PHF8: variants seen among roughly 807,000 people sequenced by gnomAD.
PHF8 encodes histone lysine demethylase PHF8.
A neutral mutation model predicts 74.4 loss-of-function variants in PHF8; 9 were observed. The observed-to-expected ratio is 0.12, with a 90% CI of 0.07 to 0.21. The LOEUF (loss-of-function observed/expected upper bound fraction) is 0.21, where lower values mean the gene tolerates loss of function less well. Among genes scored for constraint, PHF8 ranks in the 10% least tolerant of loss-of-function variants. The pLI, the probability that PHF8 is intolerant of heterozygous loss-of-function variation, is 1.00. For synonymous variants in PHF8, 311 were observed against 316.6 expected (o/e 0.98, Z 0.19); for missense variants, 478 against 816.6 (o/e 0.59, Z 5.05).
chrX:53,943,760 G>A (rs1557084250), intron 20 of PHF8, among the ~76,000 whole-genome samples: 1 of 111,820 alleles, frequency 8.9e-6, no homozygotes, highest in Admixed American at 9.4e-5. Flanking sequence ...TCCAATACTG[G>A]TGGGTGGCTG....
intron 20 of PHF8, chrX:53,943,440 T>C: frequency 9.4e-7 from 1 of 1,064,061 alleles, no homozygotes; most frequent in South Asian, 2.7e-5. Context: ...TGAACAGGGC[T>C]ATTGGGCAGA....
At chrX:53,961,304 T>A (rs1250518939) in intron 19 of PHF8, among the ~76,000 whole-genome samples, 4 of 108,817 alleles carry the variant, frequency 3.7e-5, no homozygotes, top group African/African-American at 1.3e-4. Flanking sequence ...ATTAAAGGCA[T>A]GAGCCACACT....
intron 19 of PHF8, among the ~76,000 whole-genome samples, chrX:53,949,373 A>T (rs193081173): frequency 8.9e-6 from 1 of 111,931 alleles, no homozygotes; most frequent in East Asian, 2.8e-4. Context: ...CAAATTTTAA[A>T]TAATGAACAA....
intron 19 of PHF8, among the ~76,000 whole-genome samples, chrX:53,950,228 G>T (rs1832573143): frequency 1.8e-5 from 2 of 111,588 alleles, no homozygotes; most frequent in African/African-American, 6.5e-5. Context: ...GAGCAGAAAG[G>T]AGCTAGAGCT....
Position 53,985,116 on chromosome X carries a change from C to A in PHF8, c.2241G>T (p.Trp747Cys). Residue 747 changes from tryptophan to cysteine, a missense_variant, in exon 18 of 22, where the codon TGG (tryptophan) becomes TGT (cysteine). By Grantham distance (215) the Trp-to-Cys change is radical. Transcript: ENST00000338154. Reference sequence around the variant, plus strand: ...CACTGCTTCGATCCTGTCCCCCAGTCCACCAGGCCTGCAGGCTAGAGGTAG... The same window carrying A: ...CACTGCTTCGATCCTGTCCCCCAGTACACCAGGCCTGCAGGCTAGAGGTAG... ...SPATSSLQAW[W>C]TGGQDRSSGS... is the part of the protein sequence containing the mutation. 1 of 1,210,052 alleles carries A rather than the reference C, an allele frequency of 8.3e-7. No homozygotes were observed. Among genetic ancestry groups the A allele is most frequent in the Middle Eastern group, 2.3e-4 (1 of 4,350 alleles).
intron 7 of PHF8, among the ~76,000 whole-genome samples, chrX:54,011,642 T>C (rs1300505416): frequency 9.0e-6 from 1 of 111,223 alleles, no homozygotes; most frequent in Non-Finnish European, 1.9e-5. Flanking sequence ...CTTAGGAGAA[T>C]TTAAGGCCAC....
chrX:53,949,541 T>C (rs1191729208), intron 19 of PHF8, among the ~76,000 whole-genome samples: 1 of 109,169 alleles, frequency 9.2e-6, no homozygotes, highest in Non-Finnish European at 1.9e-5. Flanking sequence ...GGCCGGGCGC[T>C]GTGGCTCATG....
intron 2 of PHF8, among the ~76,000 whole-genome samples, chrX:54,023,605 A>G (rs1373686345): frequency 9.2e-6 from 1 of 109,025 alleles, no homozygotes. Flanking sequence ...AGTGGCTCAT[A>G]CCTATAATCC....
At position 54,016,544 on chromosome X, in the gene PHF8, A is replaced by G. The variant is rs782088358; in HGVS notation, c.596+51T>C. The G allele has an allele frequency of 1.6e-5, 17 of 1,088,400 alleles. No individual in the cohort carries two copies. The South Asian group carries it at 3.0e-4, about 19-fold the overall frequency. 89.7% of individuals were successfully genotyped at this position (1,088,400 alleles called of 1,213,427 possible). A position where few individuals can be genotyped will look rare whatever the true frequency, so the allele number is the denominator to read the frequency against. The stretch of plus-strand genomic sequence containing the variant: ...CACGAATATACACTAGATATATCAC[A>G]CAAGTTTCAGGCACTTTGTCAGGTT... On this transcript the variant is annotated intron_variant, in intron 6 of 21. Coordinates refer to ENST00000338154, the MANE Select transcript of PHF8 (RefSeq NM_015107.3).
At chrX:53,983,098 G>A (rs1167997529) in intron 18 of PHF8, among the ~76,000 whole-genome samples, 1 of 107,162 alleles carries the variant, frequency 9.3e-6, no homozygotes, top group Non-Finnish European at 1.9e-5. Context: ...AGGTGGGACT[G>A]CAGAGGTCTG....
rs2066605792 is a variant in PHF8 at position 54,043,910 on chromosome X, C to T, written c.-241G>A. 18 of 753,675 alleles carry T rather than the reference C, an allele frequency of 2.4e-5. No homozygotes were observed. Among genetic ancestry groups the T allele is most frequent in the South Asian group, 6.7e-5 (1 of 14,826 alleles). The allele number at this position is 753,675 out of a possible 1,213,427, so 62.1% of individuals were successfully genotyped here. A position where few individuals can be genotyped will look rare whatever the true frequency, so the allele number is the denominator to read the frequency against. On this transcript the variant is annotated 5_prime_UTR_variant, in exon 1 of 22. Transcript: ENST00000338154. Reference sequence around the variant, plus strand: ...GCGGAGCTCAGCCCCAGCGACACGCCGGCAGCCGGGCTAGCTCCGGGACTG... The same window carrying T: ...GCGGAGCTCAGCCCCAGCGACACGCTGGCAGCCGGGCTAGCTCCGGGACTG...
chrX:53,951,807 ATTTC>A (rs1200285365), intron 19 of PHF8, among the ~76,000 whole-genome samples: 3 of 111,390 alleles, frequency 2.7e-5, no homozygotes, highest in African/African-American at 6.5e-5. Context: ...ACATAAAGTG[ATTTC>A]TTTATCATCA....
intron 19 of PHF8, among the ~76,000 whole-genome samples, chrX:53,958,801 A>G (rs953379076): frequency 1.9e-5 from 2 of 105,214 alleles, no homozygotes; most frequent in Non-Finnish European, 2.0e-5. Context: ...AAAAAAAAAA[A>G]GCTGATAACA....
At chrX:53,953,327 TAAA>T (rs58035318) in intron 19 of PHF8, among the ~76,000 whole-genome samples, 50 of 99,140 alleles carry the variant, frequency 5.0e-4, no homozygotes, top group African/African-American at 1.7e-3. Flanking sequence ...TATAGAGAGA[TAAA>T]AAAAAAAGGA....
chrX:53,949,684 C>T (rs782384608), intron 19 of PHF8, among the ~76,000 whole-genome samples: 1 of 107,396 alleles, frequency 9.3e-6, no homozygotes, highest in Non-Finnish European at 1.9e-5. Context: ...TGGTGACAGG[C>T]GCCTGTAGTC....
At position 54,044,211 on chromosome X, in the gene PHF8, C is replaced by T. The variant is rs2066610532; in HGVS notation, c.-542G>A. ...GCAAGTGGCGTCGTCGCTGGGCCGG[C>T]AGGAGATACTCGCGAGCAAACCAAC... On this transcript the variant is annotated 5_prime_UTR_variant, in exon 1 of 22. Transcript: ENST00000338154. 4.0e-6 allele frequency: 3 copies of T among 754,134 alleles called. No individual in the cohort carries two copies. The highest frequency in any genetic ancestry group is 4.7e-6 in the Non-Finnish European group (3 of 639,319). 62.1% of individuals were successfully genotyped at this position (754,134 alleles called of 1,213,427 possible). A position where few individuals can be genotyped will look rare whatever the true frequency, so the allele number is the denominator to read the frequency against.
At chrX:54,045,057 C>T (rs781788103), upstream of PHF8, 28 of 475,892 alleles carry the variant, frequency 5.9e-5, no homozygotes, top group African/African-American at 5.5e-4. Context: ...CTGTGCTACC[C>T]GCGTTCTGTC....
intron 15 of PHF8, 134 bp downstream of exon 15, chrX:53,987,632 C>T: frequency 1.9e-6 from 1 of 539,977 alleles, no homozygotes; most frequent in Non-Finnish European, 3.2e-6. Flanking sequence ...TCACTTGAAC[C>T]CGGGAGGCGG....
intron 18 of PHF8, among the ~76,000 whole-genome samples, chrX:53,976,594 C>G (rs1175659347): frequency 9.3e-6 from 1 of 107,287 alleles, no homozygotes. Context: ...GAGTTTGACA[C>G]AAGGCTATGC....
Sources: allele counts gnomAD v4.1 joint callset (sites outside exome capture counted in the v4.1 genomes callset), GRCh38; gene constraint gnomAD v4.1.1; transcripts MANE v1.5; gene names NCBI Gene and HGNC (gene_info 2026-07-23, HGNC 2026-07-21).